Variants in ADGRG4 observed in about 807,000 individuals in gnomAD.
ADGRG4 encodes the protein G protein-coupled receptor 112.
ADGRG4 carries 122 observed loss-of-function variants against 126.2 expected under a neutral mutation model. The ratio of observed to expected loss-of-function variants is 0.97; its 90% CI spans 0.83 to 1.12. ADGRG4 has a LOEUF of 1.12. Ranked by LOEUF, ADGRG4 falls within the 50% of genes most tolerant of loss-of-function variation. The pLI, the probability that ADGRG4 is intolerant of heterozygous loss-of-function variation, is 0.00. For missense variants in ADGRG4, 2,481 were observed against 2,251.8 expected (o/e 1.10, Z -2.06); for synonymous variants, 943 against 838.7 (o/e 1.12, Z -2.15).
chrX:136,340,360 G>A (rs1011147411), intron 5 of ADGRG4, among the ~76,000 whole-genome samples: 1 of 111,368 alleles, frequency 9.0e-6, no homozygotes, highest in Non-Finnish European at 1.9e-5. Flanking sequence ...TGATTGAATT[G>A]TCTTTATCTA....
Position 136,350,026 on chromosome X carries a change from C to T in ADGRG4, c.6320C>T (p.Ala2107Val). 8.3e-7 allele frequency: 1 copy of T among 1,210,659 alleles called. No homozygotes were observed. ...GTGTACATTTCCACACACCCTGAGG[C>T]ATCCTCCAGAACCACAATAACTGCC... ...DIVYISTHPE[A>V]SSRTTITANP... Residue 2107 changes from alanine to valine, a missense_variant, in exon 6 of 26, where the codon GCA becomes GTA. Transcript: ENST00000394143.
chrX:136,361,554 TA>T lies in ADGRG4; in HGVS notation c.7250del (p.Asn2417MetfsTer47). On this transcript the variant is annotated frameshift_variant, in exon 12 of 26. Coordinates refer to ENST00000394143, the MANE Select transcript of ADGRG4 (RefSeq NM_153834.4). LOFTEE classifies it high-confidence loss of function. ...ACGGAGACAGCCCAAACCAGATGCA[TA>T]AAAAATGAGGATGGAAATGCCACAA... ...NPTETAQTRCIKNEDGNATRF... is the reference protein window; with the variant it reads ...NPTETAQTRCXKNEDGNATRF... 8.4e-7 allele frequency: 1 copy of T among 1,187,952 alleles called. No homozygotes were observed. Among genetic ancestry groups the T allele is most frequent in the Non-Finnish European group, 1.1e-6 (1 of 882,012 alleles).
chrX:136,347,126 A>G lies in ADGRG4; in HGVS notation c.3420A>G (p.Thr1140=), dbSNP rs1569323306. 3 of 1,210,417 alleles carry G rather than the reference A, an allele frequency of 2.5e-6. No homozygotes were observed. The highest frequency in any genetic ancestry group is 3.4e-6 in the Non-Finnish European group (3 of 894,763). ...STSVDTVTPS[T]HTLVCSKPPP... ...CAGTTGATACAGTAACCCCATCTAC[A>G]CACACTCTTGTCTGCTCAAAACCTC... is the stretch of plus-strand genomic sequence containing the variant. The change falls in exon 6 of 26, where the codon ACA becomes ACG. Residue 1140 remains threonine, a synonymous_variant. Coordinates refer to ENST00000394143, the MANE Select transcript of ADGRG4 (RefSeq NM_153834.4).
chrX:136,407,635 A>G (rs1385662614), intron 23 of ADGRG4, among the ~76,000 whole-genome samples: 1 of 112,084 alleles, frequency 8.9e-6, no homozygotes, highest in Non-Finnish European at 1.9e-5. Context: ...ATATACATCC[A>G]TGTTCTAATT....
chrX:136,303,847 G>A (rs141619492), intron 1 of ADGRG4, among the ~76,000 whole-genome samples: 5,774 of 110,641 alleles, frequency 0.052, 180 homozygotes, highest in Non-Finnish European at 0.085. Flanking sequence ...AAGGGAGAGG[G>A]AATGAAGATG....
chrX:136,373,271 C>T (rs1050033091), intron 15 of ADGRG4, among the ~76,000 whole-genome samples: 1 of 112,051 alleles, frequency 8.9e-6, no homozygotes, highest in Non-Finnish European at 1.9e-5. Context: ...GCAATGATAC[C>T]ACCTTTGGCC....
At chrX:136,332,009 A>AT (rs780595877) in intron 5 of ADGRG4, among the ~76,000 whole-genome samples, 2 of 107,362 alleles carry the variant, frequency 1.9e-5, no homozygotes, top group African/African-American at 3.4e-5. Context: ...TTTAATTTTT[A>AT]TTTTTTTTAT....
intron 24 of ADGRG4, 117 bp from the exon 25 acceptor site, chrX:136,414,043 A>G (rs1289682755): frequency 1.5e-6 from 1 of 660,243 alleles, no homozygotes; most frequent in East Asian, 3.7e-5. Context: ...GCCTGGCCTA[A>G]ACTTTGTATT....
In ADGRG4 at chrX:136,322,851, C is replaced by T. The variant is rs771841205; in HGVS notation, c.144C>T (p.Thr48=). The change falls in exon 5 of 26, where the codon ACC becomes ACT. Residue 48 remains threonine (T), a synonymous_variant. Transcript: ENST00000394143. ...RGDTYVSLID[T]IPELSRFTAC... ...ACACATATGTAAGCCTGATAGATAC[C>T]ATTCCTGAACTCAGCCGATTCACAG... 8.3e-7 allele frequency: 1 copy of T among 1,209,663 alleles called. No homozygotes were observed. Among genetic ancestry groups the T allele is most frequent in the Non-Finnish European group, 1.1e-6 (1 of 894,151 alleles).
intron 23 of ADGRG4, among the ~76,000 whole-genome samples, 160 bp downstream of exon 23, chrX:136,406,132 G>A (rs1221445606): frequency 1.8e-5 from 2 of 112,116 alleles, no homozygotes; most frequent in Non-Finnish European, 3.8e-5. Flanking sequence ...ATAGGGAGAA[G>A]CCCAGATAGG....
At position 136,342,921 on chromosome X, in the gene ADGRG4, T is replaced by TGTGAGA. The variant is rs1251871214; in HGVS notation, c.686-1470_686-1469insTGAGAG. Among the ~76,000 whole-genome samples the TGTGAGA allele has an allele frequency of 3.7e-3, 309 of 84,294 alleles. 2 individuals are homozygous for TGTGAGA. Among genetic ancestry groups the TGTGAGA allele is most frequent in the African/African-American group, 0.013 (276 of 21,173 alleles). The allele number at this position is 84,294 out of a possible 115,157, so 73.2% of individuals were successfully genotyped here. A position where few individuals can be genotyped will look rare whatever the true frequency, so the allele number is the denominator to read the frequency against. ...GTGTGTGTGTGTGTGTGTGTGTGTGTGAGAGAGAGAGAGGAAGGGGATCAG... is the reference window on the plus strand; with the variant it reads ...GTGTGTGTGTGTGTGTGTGTGTGTGTGTGAGAGAGAGAGAGAGAGGAAGGGGATCAG... On this transcript the variant is annotated intron_variant, in intron 5 of 25. Coordinates refer to ENST00000394143, the MANE Select transcript of ADGRG4 (RefSeq NM_153834.4).
rs1415924908 is a variant in ADGRG4 at position 136,344,345 on chromosome X, T to C, written c.686-47T>C. 9 of 900,895 alleles carry C rather than the reference T, an allele frequency of 1.0e-5. No homozygotes were observed. In the East Asian group the frequency reaches 1.6e-4, roughly 16 times the overall value. The allele number at this position is 900,895 out of a possible 1,213,427, so 74.2% of individuals were successfully genotyped here. On this transcript the variant is annotated intron_variant, in intron 5 of 25. Transcript: ENST00000394143. The stretch of plus-strand genomic sequence containing the variant: ...TAGAGCTCTTTCTAGTTGTCTCTAA[T>C]TTCCAAAGCTGAATCCAAAATAACA...
intron 22 of ADGRG4, 137 bp from the exon 23 acceptor site, chrX:136,405,555 G>C: frequency 2.5e-6 from 1 of 403,303 alleles, no homozygotes. Flanking sequence ...CAGTTGGTAT[G>C]AGTGAACTCT....
At chrX:136,415,714 T>C (rs1167440729) in intron 25 of ADGRG4, among the ~76,000 whole-genome samples, 1 of 111,820 alleles carries the variant, frequency 8.9e-6, no homozygotes, top group Non-Finnish European at 1.9e-5. Flanking sequence ...TAGTTGGGGC[T>C]GGTTGGAAAA....
At chrX:136,334,974 C>G (rs1208355738) in intron 5 of ADGRG4, among the ~76,000 whole-genome samples, 2 of 111,350 alleles carry the variant, frequency 1.8e-5, no homozygotes, top group East Asian at 2.8e-4. Context: ...CTGATCTTAG[C>G]TGGAAAACAT....
intron 5 of ADGRG4, among the ~76,000 whole-genome samples, chrX:136,323,747 A>G (rs994026623): frequency 2.4e-4 from 27 of 111,762 alleles, no homozygotes; most frequent in Admixed American, 1.9e-4. Flanking sequence ...AAATCAGAAA[A>G]GTTGATGTTG....
chrX:136,332,956 G>A (rs1329001165), intron 5 of ADGRG4, among the ~76,000 whole-genome samples: 1 of 111,300 alleles, frequency 9.0e-6, no homozygotes, highest in African/African-American at 3.3e-5. Flanking sequence ...TTTGTAGGTT[G>A]CCTGTTCACT....
intron 23 of ADGRG4, among the ~76,000 whole-genome samples, chrX:136,409,222 A>G (rs2075432708): frequency 8.9e-6 from 1 of 112,135 alleles, no homozygotes; most frequent in Non-Finnish European, 1.9e-5. Flanking sequence ...AATTATGCTC[A>G]TGATGAGCTA....
chrX:136,332,833 A>G (rs1457512415), intron 5 of ADGRG4, among the ~76,000 whole-genome samples: 8 of 108,105 alleles, frequency 7.4e-5, no homozygotes, highest in Non-Finnish European at 1.3e-4. Flanking sequence ...CATGTCCTTC[A>G]CCCACTTTTT....
Sources: allele counts gnomAD v4.1 joint callset (sites outside exome capture counted in the v4.1 genomes callset), GRCh38; gene constraint gnomAD v4.1.1; transcripts MANE v1.5; gene names NCBI Gene and HGNC (gene_info 2026-07-23, HGNC 2026-07-21).